CKAP5: variants seen among roughly 807,000 people sequenced by gnomAD.
CKAP5 encodes cytoskeleton associated protein 5.
Under a neutral mutation model 232.8 loss-of-function variants are expected in CKAP5, and 27 were observed. The ratio of observed to expected loss-of-function variants is 0.12; its 90% CI spans 0.09 to 0.16. CKAP5 has a LOEUF of 0.16. Among genes scored for constraint, CKAP5 ranks in the 10% least tolerant of loss-of-function variants. The pLI, the probability that CKAP5 is intolerant of heterozygous loss-of-function variation, is 1.00. For synonymous variants in CKAP5, 785 were observed against 841.1 expected (o/e 0.93, Z 1.16); for missense variants, 1,838 against 2,424.7 (o/e 0.76, Z 5.08).
intron 36 of CKAP5, 49 bp downstream of exon 36, chr11:46,754,839 T>C (rs368532515): frequency 1.5e-5 from 23 of 1,541,704 alleles, no homozygotes; most frequent in Admixed American, 1.0e-4. Context: ...TGAACCTCTG[T>C]AGGCTGAGAG....
chr11:46,790,682 G>T, intron 13 of CKAP5, 99 bp from the exon 14 acceptor site: 2 of 762,398 alleles, frequency 2.6e-6, no homozygotes, highest in Non-Finnish European at 4.1e-6. Context: ...TCATATTGTT[G>T]TCGAGCCTGG....
rs374316828 is a variant in CKAP5, at chr11:46,753,371, G to A, written c.4996C>T (p.Arg1666Cys). 15 of 1,613,792 alleles carry A rather than the reference G, an allele frequency of 9.3e-6. No homozygotes were observed. Among genetic ancestry groups the A allele is most frequent in the Admixed American group, 8.3e-5 (5 of 59,972 alleles). ...EDLEEGQQVI[R>C]SVNLLVVKVL... ...TTCACCACCAAGAGGTTCACAGAGC[G>A]GATGACCTGTTGTCCTTCCTCAAGA... Residue 1666 changes from arginine to cysteine, a missense_variant, in exon 37 of 44, where the codon CGC becomes TGC. This residue lies in a region of CKAP5 where 579 missense variants were observed against 843.2 expected (regional missense o/e 0.69). Coordinates refer to ENST00000529230, the MANE Select transcript of CKAP5 (RefSeq NM_001008938.4).
chr11:46,752,620 T>C lies in CKAP5; in HGVS notation c.5133+15A>G. The C allele has an allele frequency of 6.3e-7, 1 of 1,599,246 alleles. No homozygotes were observed. The highest frequency in any genetic ancestry group is 8.6e-7 in the Non-Finnish European group (1 of 1,167,982). ...CATCTTTGAAAGAAAAGAGATCAAA[T>C]CATTTCAACTTCACCTTCATAACAA... On this transcript the variant is annotated intron_variant, in intron 38 of 43. Transcript: ENST00000529230.
At chr11:46,774,290 A>G (rs1448910167) in intron 24 of CKAP5, among the ~76,000 whole-genome samples, 1 of 152,212 alleles carries the variant, frequency 6.6e-6, no homozygotes, top group Non-Finnish European at 1.5e-5. Flanking sequence ...AAAGAAAATA[A>G]AATACCTAGG....
In CKAP5 at chr11:46,795,631, G is replaced by T; in HGVS notation, c.1613C>A (p.Pro538His). 1 of 1,613,848 alleles carries T rather than the reference G, an allele frequency of 6.2e-7. No individual in the cohort carries two copies. Among genetic ancestry groups the T allele is most frequent in the Non-Finnish European group, 8.5e-7 (1 of 1,179,864 alleles). The part of the protein sequence containing the change: ...GDKDTKDISA[P>H]KPGPLKKAPA... ...TGCCTTTTTTAGAGGTCCTGGTTTG[G>T]GTGCAGAAATGTCCTTTGTGTCCTT... The change falls in exon 13 of 44, where the codon CCC becomes CAC. Residue 538 changes from proline to histidine, a missense_variant. Around this residue, in one of 6 missense-constraint regions of CKAP5, gnomAD observed 767 missense variants for 954.6 expected, o/e 0.80. Transcript: ENST00000529230.
chr11:46,810,775 A>G (rs181626256), intron 5 of CKAP5, among the ~76,000 whole-genome samples: 164 of 152,332 alleles, frequency 1.1e-3, no homozygotes, highest in African/African-American at 3.7e-3. Flanking sequence ...CATCATCAGA[A>G]GAGTCTCCAA....
intron 42 of CKAP5, among the ~76,000 whole-genome samples, chr11:46,745,960 C>G (rs1414356792): frequency 1.3e-5 from 2 of 151,872 alleles, no homozygotes; most frequent in Non-Finnish European, 2.9e-5. Context: ...TCAAAAAAAC[C>G]TCAAAAAATA....
chr11:46,816,702 C>T (rs559385402), intron 3 of CKAP5, among the ~76,000 whole-genome samples: 11 of 152,186 alleles, frequency 7.2e-5, no homozygotes, highest in Admixed American at 6.5e-4. Flanking sequence ...GATATCCCTC[C>T]TTCCAGACCT....
chr11:46,803,472 T>A (rs1055012780), intron 8 of CKAP5, among the ~76,000 whole-genome samples: 6 of 152,050 alleles, frequency 3.9e-5, no homozygotes, highest in Admixed American at 3.9e-4. Flanking sequence ...TTCTTCATGT[T>A]GCCCAGTCTG....
intron 6 of CKAP5, 28 bp downstream of exon 6, chr11:46,809,714 C>A: frequency 6.2e-7 from 1 of 1,612,632 alleles, no homozygotes; most frequent in South Asian, 1.1e-5. Flanking sequence ...CTAATTTTTG[C>A]AGAAACCGGT....
At chr11:46,815,412 C>T (rs910921374) in intron 4 of CKAP5, among the ~76,000 whole-genome samples, 1 of 152,104 alleles carries the variant, frequency 6.6e-6, no homozygotes, top group South Asian at 2.1e-4. Context: ...TGCAGTGGCA[C>T]AATCACAGCT....
chr11:46,813,955 A>G (rs144766406), intron 4 of CKAP5, among the ~76,000 whole-genome samples: 2 of 151,816 alleles, frequency 1.3e-5, no homozygotes, highest in East Asian at 3.9e-4. Context: ...AACATGGAGA[A>G]ACCCATCTCT....
At chr11:46,795,418 C>T (rs1938847079) in intron 13 of CKAP5, among the ~76,000 whole-genome samples, 176 bp downstream of exon 13, 1 of 151,990 alleles carries the variant, frequency 6.6e-6, no homozygotes, top group Non-Finnish European at 1.5e-5. Flanking sequence ...TCTATTAAAG[C>T]TCCAAACAGC....
chr11:46,766,689 A>G (rs2065205223), intron 27 of CKAP5, among the ~76,000 whole-genome samples: 1 of 152,240 alleles, frequency 6.6e-6, no homozygotes, highest in Non-Finnish European at 1.5e-5. Context: ...TTAAATAATT[A>G]ACACTCTGAA....
At chr11:46,751,060 A>G in intron 40 of CKAP5, 58 bp downstream of exon 40, 1 of 1,601,278 alleles carries the variant, frequency 6.2e-7, no homozygotes, top group South Asian at 1.1e-5. Context: ...TACACCTTAG[A>G]TAAGATCACT....
At position 46,743,350 on chromosome 11, in the gene CKAP5, GA is replaced by G. The variant is rs1182468772; in HGVS notation, c.*672del. 6.6e-6 allele frequency: 1 copy of G among 152,206 alleles called. No homozygotes were observed. The highest frequency in any genetic ancestry group is 2.4e-5 in the African/African-American group (1 of 41,436). 9.4% of individuals were successfully genotyped at this position (152,206 alleles called of 1,614,324 possible). On this transcript the variant is annotated 3_prime_UTR_variant, in exon 44 of 44. Transcript: ENST00000529230. ...TTCTGCTCCCTAGGAGCTGTTTGTG[GA>G]GAGCAGGGAAGGAGAGTTCCTTCCA...
intron 34 of CKAP5, 86 bp downstream of exon 34, chr11:46,759,183 T>C: frequency 6.6e-7 from 1 of 1,515,346 alleles, no homozygotes; most frequent in Non-Finnish European, 9.0e-7. Context: ...TAAAAAGTTT[T>C]AACTGCACAT....
At position 46,788,756 on chromosome 11, in the gene CKAP5, G is replaced by A; in HGVS notation, c.1893C>T (p.Asp631=). The A allele has an allele frequency of 6.2e-7, 1 of 1,607,190 alleles. No individual in the cohort carries two copies. The highest frequency in any genetic ancestry group is 1.7e-4 in the Middle Eastern group (1 of 6,040). The part of the protein sequence containing the change: ...EEFQKAVELM[D]RTEMPCQALV... Reference sequence around the variant, plus strand: ...ATGCCTGGCATGGCATTTCAGTTCGGTCCATTAGCTCAACAGCCTTGAAGT... The same window carrying A: ...ATGCCTGGCATGGCATTTCAGTTCGATCCATTAGCTCAACAGCCTTGAAGT... The change falls in exon 16 of 44, where the codon GAC becomes GAT. Residue 631 remains aspartate (D), a synonymous_variant. Transcript: ENST00000529230.
At chr11:46,777,684 G>T (rs979789996) in intron 22 of CKAP5, 132 bp from the exon 23 acceptor site, 2 of 602,952 alleles carry the variant, frequency 3.3e-6, no homozygotes, top group Admixed American at 3.0e-5. Context: ...ACACTGGCTT[G>T]TCATGCTATT....
Sources: gnomAD v4.1 joint callset for allele counts (sites outside exome capture counted in the v4.1 genomes callset) on GRCh38, gnomAD v4.1.1 for gene constraint, gnomAD v4.1.1 regional missense constraint, MANE v1.5 for transcripts, NCBI Gene and HGNC (gene_info 2026-07-23, HGNC 2026-07-21) for gene names.